The following RFTN1 variants were observed in gnomAD, a reference collection of about 807,000 sequenced individuals.
RFTN1 encodes raftlin.
In RFTN1, 26 loss-of-function variants were observed where a neutral mutation model predicts 46.5. The ratio of observed to expected loss-of-function variants is 0.56; its 90% CI spans 0.41 to 0.78. The LOEUF is 0.78. Ranked by LOEUF, RFTN1 falls within the 30% of genes least tolerant of loss-of-function variation. The pLI is 0.00. For synonymous variants in RFTN1, 261 were observed against 284.2 expected (o/e 0.92, Z 0.82); for missense variants, 693 against 718.7 (o/e 0.96, Z 0.41).
chr3:16,416,433 A>G (rs2075081836), intron 3 of RFTN1, among the ~76,000 whole-genome samples: 1 of 152,236 alleles, frequency 6.6e-6, no homozygotes, highest in Admixed American at 6.5e-5. Context: ...AAGGACATTA[A>G]TAGAAAAATG....
At chr3:16,455,404 A>C (rs1035697232) in intron 2 of RFTN1, among the ~76,000 whole-genome samples, 1 of 152,058 alleles carries the variant, frequency 6.6e-6, no homozygotes, top group Middle Eastern at 3.2e-3. Context: ...CTGGGAAGAG[A>C]CTCCAAAAAC....
Position 16,428,609 on chromosome 3 carries a change from C to A in RFTN1, c.332+5242G>T, listed in dbSNP as rs936109173. Among the ~76,000 whole-genome samples the A allele has an allele frequency of 1.3e-5, 2 of 152,136 alleles. No homozygotes were observed. Among genetic ancestry groups the A allele is most frequent in the African/African-American group, 4.8e-5 (2 of 41,412 alleles). On this transcript the variant is annotated intron_variant, in intron 3 of 9. Transcript: ENST00000334133. The surrounding 1 kb of genome is among the most constrained non-coding windows in gnomAD (Gnocchi z 4.7). Reference sequence around the variant, plus strand: ...CACAGAGCTCCCTAGTATGCTGGTCCCTGTACCATGTAAGGCATTACTCTA... The same window carrying A: ...CACAGAGCTCCCTAGTATGCTGGTCACTGTACCATGTAAGGCATTACTCTA...
Position 16,376,824 on chromosome 3 carries a change from T to G in RFTN1, c.826+894A>C, listed in dbSNP as rs541976057. ...ATGTAACAAAAGAAACTGTTTCTCC[T>G]TGTTTTCCCTTCTGGAAGCACCACC... On this transcript the variant is annotated intron_variant, in intron 5 of 9. Transcript: ENST00000334133. The surrounding 1 kb of genome is among the most constrained non-coding windows in gnomAD (Gnocchi z 4.7). Among the ~76,000 whole-genome samples, 1 of 152,330 alleles carries G rather than the reference T, an allele frequency of 6.6e-6. No individual in the cohort carries two copies. Among genetic ancestry groups the G allele is most frequent in the African/African-American group, 2.4e-5 (1 of 41,572 alleles).
At position 16,322,250 on chromosome 3, in the gene RFTN1, T is replaced by C. The variant is rs2069147191; in HGVS notation, c.1332+1126A>G. 6.6e-6 allele frequency among the ~76,000 whole-genome samples: 1 copy of C among 152,194 alleles called. No homozygotes were observed. The highest frequency in any genetic ancestry group is 2.1e-4 in the South Asian group (1 of 4,824). On this transcript the variant is annotated intron_variant, in intron 9 of 9. Transcript: ENST00000334133. The surrounding 1 kb of genome is among the most constrained non-coding windows in gnomAD (Gnocchi z 6.2). ...CCTGTCACATTACACCTTCAGAGCCTGGAGAAAGACCTTCCTCCACACTCC... is the reference window on the plus strand; with the variant it reads ...CCTGTCACATTACACCTTCAGAGCCCGGAGAAAGACCTTCCTCCACACTCC...
chr3:16,406,530 G>T (rs894226352), intron 4 of RFTN1, among the ~76,000 whole-genome samples: 1 of 152,190 alleles, frequency 6.6e-6, no homozygotes, highest in African/African-American at 2.4e-5. Context: ...AAATCTCACT[G>T]CTGCCCTGGT....
At chr3:16,435,076 C>A (rs1286168593) in intron 2 of RFTN1, among the ~76,000 whole-genome samples, 2 of 152,194 alleles carry the variant, frequency 1.3e-5, no homozygotes, top group Non-Finnish European at 2.9e-5. Context: ...AGTGAAAAGT[C>A]TACATCCTAG....
intron 1 of RFTN1, among the ~76,000 whole-genome samples, chr3:16,494,617 A>T (rs1471790937): frequency 6.6e-6 from 1 of 152,368 alleles, no homozygotes; most frequent in Non-Finnish European, 1.5e-5. Flanking sequence ...CAGTTTGAAA[A>T]GAAAATAAAG....
Position 16,361,192 on chromosome 3 carries a change from C to T in RFTN1, c.1031-3145G>A, listed in dbSNP as rs1043867760. Among the ~76,000 whole-genome samples, 2 of 152,104 alleles carry T rather than the reference C, an allele frequency of 1.3e-5. No homozygotes were observed. Among genetic ancestry groups the T allele is most frequent in the African/African-American group, 4.8e-5 (2 of 41,414 alleles). On this transcript the variant is annotated intron_variant, in intron 6 of 9. Coordinates refer to ENST00000334133, the MANE Select transcript of RFTN1 (RefSeq NM_015150.2). The surrounding 1 kb of genome is among the most constrained non-coding windows in gnomAD (Gnocchi z 4.3). ...GTGTAATCTAAATAGAAAAACTTCCCTTAGAGGAGTCTAAAAATGGCATAT... is the reference window on the plus strand; with the variant it reads ...GTGTAATCTAAATAGAAAAACTTCCTTTAGAGGAGTCTAAAAATGGCATAT...
At chr3:16,455,033 G>T (rs534088535) in intron 2 of RFTN1, among the ~76,000 whole-genome samples, 1 of 152,230 alleles carries the variant, frequency 6.6e-6, no homozygotes, top group Middle Eastern at 3.4e-3. Context: ...GTCTTCCAAG[G>T]GTAAGGAAAA....
rs928158100 is a variant in RFTN1 at position 16,424,555 on chromosome 3, G to A, written c.332+9296C>T. On this transcript the variant is annotated intron_variant, in intron 3 of 9. Transcript: ENST00000334133. This position sits in a 1 kb window ranked among gnomAD's most constrained non-coding sequence, Gnocchi z 4.7. ...AACAGGTGTTATGTGAATACAAGCT[G>A]CTAATTTGGTTTTTAAAGTCTTTGT... 3.7e-4 allele frequency among the ~76,000 whole-genome samples: 56 copies of A among 152,272 alleles called. No individual in the cohort carries two copies. The highest frequency in any genetic ancestry group is 1.3e-3 in the African/African-American group (56 of 41,552).
In RFTN1 at chr3:16,335,066, C is replaced by A. The variant is rs750184670; in HGVS notation, c.1147-8190G>T. Among the ~76,000 whole-genome samples the A allele has an allele frequency of 6.6e-6, 1 of 152,206 alleles. No individual in the cohort carries two copies. Among genetic ancestry groups the A allele is most frequent in the Non-Finnish European group, 1.5e-5 (1 of 68,028 alleles). On this transcript the variant is annotated intron_variant, in intron 7 of 9. Transcript: ENST00000334133. The surrounding 1 kb of genome is among the most constrained non-coding windows in gnomAD (Gnocchi z 4.7). ...GGTCCTGTCAACACCTTGGTTTTAG[C>A]CCCTTAATACTCATTTCAGACTTCT...
chr3:16,419,696 G>A (rs567649129), intron 3 of RFTN1, among the ~76,000 whole-genome samples: 36 of 152,218 alleles, frequency 2.4e-4, no homozygotes, highest in African/African-American at 8.4e-4. Context: ...AAATACTTGA[G>A]GAAAAAATAG....
chr3:16,336,603 C>T lies in RFTN1; in HGVS notation c.1147-9727G>A, dbSNP rs1315286854. On this transcript the variant is annotated intron_variant, in intron 7 of 9. Transcript: ENST00000334133. The surrounding 1 kb of genome is among the most constrained non-coding windows in gnomAD (Gnocchi z 6.0). ...TGTAATCAGGACAACATAATAGAGT[C>T]TGAGAGAGCAGTCTTCTCATTTTAG... 1.3e-5 allele frequency among the ~76,000 whole-genome samples: 2 copies of T among 152,174 alleles called. No homozygotes were observed. The highest frequency in any genetic ancestry group is 4.8e-5 in the African/African-American group (2 of 41,450).
Position 16,512,048 on chromosome 3 carries a change from A to G in RFTN1, c.-9+1394T>C, listed in dbSNP as rs535307559. ...GATGCAGAGCTCAGTCTGAGGTTAG[A>G]GTGATTTCACTGAGGTTAGCACACA... On this transcript the variant is annotated intron_variant, in intron 1 of 9. Transcript: ENST00000334133. This position sits in a 1 kb window ranked among gnomAD's most constrained non-coding sequence, Gnocchi z 4.3. 4.1e-4 allele frequency among the ~76,000 whole-genome samples: 62 copies of G among 152,276 alleles called. No individual in the cohort carries two copies. The highest frequency in any genetic ancestry group is 7.6e-4 in the Non-Finnish European group (52 of 68,018).
rs1043138897 is a variant in RFTN1 at position 16,433,071 on chromosome 3, T to C, written c.332+780A>G. Among the ~76,000 whole-genome samples the C allele has an allele frequency of 3.9e-5, 6 of 152,228 alleles. No homozygotes were observed. The highest frequency in any genetic ancestry group is 7.3e-5 in the Non-Finnish European group (5 of 68,034). On this transcript the variant is annotated intron_variant, in intron 3 of 9. Coordinates refer to ENST00000334133, the MANE Select transcript of RFTN1 (RefSeq NM_015150.2). The surrounding 1 kb of genome is among the most constrained non-coding windows in gnomAD (Gnocchi z 4.4). ...CATGCTGTCATTCCTTCTATGATAG[T>C]TGGCCAAAAGACAAATCTGATTTCC...
chr3:16,415,789 T>A (rs937934685), intron 3 of RFTN1, among the ~76,000 whole-genome samples: 1 of 152,120 alleles, frequency 6.6e-6, no homozygotes. Context: ...GTCAATTTCC[T>A]CAATTAACAA....
At chr3:16,324,689 TTA>T (rs1225720380) in intron 8 of RFTN1, among the ~76,000 whole-genome samples, 1 of 116,522 alleles carries the variant, frequency 8.6e-6, no homozygotes, top group African/African-American at 3.4e-5. Flanking sequence ...TGTGTGTATT[TTA>T]TATATATATA....
chr3:16,437,309 T>C (rs1260819925), intron 2 of RFTN1, among the ~76,000 whole-genome samples: 1 of 152,140 alleles, frequency 6.6e-6, no homozygotes, highest in Non-Finnish European at 1.5e-5. Flanking sequence ...GTAAATACCT[T>C]TGTCCATATA....
In RFTN1 at chr3:16,329,096, T is replaced by C. The variant is rs2070027988; in HGVS notation, c.1147-2220A>G. The stretch of plus-strand genomic sequence containing the variant: ...GTCAGAAGGGCTCCACTCTTGTGAA[T>C]GGGTTAATGCCAACTCAGGCAAAGG... On this transcript the variant is annotated intron_variant, in intron 7 of 9. Coordinates refer to ENST00000334133, the MANE Select transcript of RFTN1 (RefSeq NM_015150.2). The surrounding 1 kb of genome is among the most constrained non-coding windows in gnomAD (Gnocchi z 4.5). Among the ~76,000 whole-genome samples, 1 of 152,166 alleles carries C rather than the reference T, an allele frequency of 6.6e-6. No homozygotes were observed. The highest frequency in any genetic ancestry group is 2.4e-5 in the African/African-American group (1 of 41,424).
Sources: allele counts gnomAD v4.1 joint callset (sites outside exome capture counted in the v4.1 genomes callset), GRCh38; gene constraint gnomAD v4.1.1; non-coding constraint Gnocchi (gnomAD v3.1); transcripts MANE v1.5; gene names NCBI Gene and HGNC (gene_info 2026-07-23, HGNC 2026-07-21).